Variants in CTNNA3 observed in about 807,000 individuals in gnomAD.
CTNNA3 encodes the protein catenin alpha-3.
In CTNNA3, 76 loss-of-function variants were observed where a neutral mutation model predicts 95.7. The ratio of observed to expected loss-of-function variants is 0.79; its 90% CI spans 0.66 to 0.96. The LOEUF is 0.96. CTNNA3 is among the 40% of genes least tolerant of loss of function. The pLI, the probability that CTNNA3 is intolerant of heterozygous loss-of-function variation, is 0.00. For missense variants in CTNNA3, 1,191 were observed against 1,089.8 expected (o/e 1.09, Z -1.31); for synonymous variants, 431 against 374.4 (o/e 1.15, Z -1.74).
chr10:65,939,010 C>T (rs1050086198), intron 17 of CTNNA3, among the ~76,000 whole-genome samples: 12 of 151,940 alleles, frequency 7.9e-5, no homozygotes, highest in African/African-American at 2.4e-4. Flanking sequence ...TCACGCCATT[C>T]TCCTGCCTCA....
intron 2 of CTNNA3, among the ~76,000 whole-genome samples, chr10:67,609,194 G>A (rs1221974471): frequency 3.3e-5 from 5 of 150,666 alleles, no homozygotes; most frequent in Admixed American, 6.6e-5. Context: ...AATCACCATC[G>A]TAGAGGAATG....
At chr10:66,065,317 A>C (rs2133586671) in intron 15 of CTNNA3, among the ~76,000 whole-genome samples, 1 of 151,264 alleles carries the variant, frequency 6.6e-6, no homozygotes. Context: ...CCCCTTTTAC[A>C]ATTTCATTCT....
chr10:67,017,983 G>A (rs550735159), intron 7 of CTNNA3, among the ~76,000 whole-genome samples: 1 of 152,198 alleles, frequency 6.6e-6, no homozygotes, highest in East Asian at 1.9e-4. Context: ...TGTTGGCAAG[G>A]CTGGTCTCAA....
At chr10:67,331,833 A>G (rs12098694) in intron 5 of CTNNA3, among the ~76,000 whole-genome samples, 3,977 of 152,252 alleles carry the variant, frequency 0.026, 182 homozygotes, top group African/African-American at 0.089. Flanking sequence ...GAGGAACCCT[A>G]AGGAAAATTT....
At chr10:66,479,977 CA>C (rs1565003106) in intron 11 of CTNNA3, among the ~76,000 whole-genome samples, 3 of 151,720 alleles carry the variant, frequency 2.0e-5, no homozygotes, top group African/African-American at 7.3e-5. Flanking sequence ...CACACACACA[CA>C]CCCCAGAACT....
At chr10:67,550,674 C>CATAGAATAAAGAAATTTCTTTATT (rs1840994021) in intron 3 of CTNNA3, among the ~76,000 whole-genome samples, 1 of 122,710 alleles carries the variant, frequency 8.1e-6, no homozygotes, top group African/African-American at 3.9e-5. Context: ...AATTTCTTTA[C>CATAGAATAAAGAAATTTCTTTATT]CGTAGAATAA....
At chr10:67,741,013 C>T (rs1001373571) in intron 1 of CTNNA3, among the ~76,000 whole-genome samples, 3 of 151,142 alleles carry the variant, frequency 2.0e-5, no homozygotes, top group Non-Finnish European at 3.0e-5. Flanking sequence ...TTTGTAGGGA[C>T]ATGGATGAAA....
intron 7 of CTNNA3, among the ~76,000 whole-genome samples, chr10:66,943,182 T>C (rs1848102931): frequency 6.6e-6 from 1 of 152,182 alleles, no homozygotes; most frequent in Admixed American, 6.5e-5. Flanking sequence ...TTAAAGACTT[T>C]GAAAAGAGCA....
At chr10:66,751,687 T>C (rs1839146629) in intron 9 of CTNNA3, among the ~76,000 whole-genome samples, 1 of 152,192 alleles carries the variant, frequency 6.6e-6, no homozygotes, top group Admixed American at 6.5e-5. Flanking sequence ...CCTTCCAAGG[T>C]TCTAACAAGT....
At chr10:66,818,402 A>G (rs1252366853) in intron 7 of CTNNA3, among the ~76,000 whole-genome samples, 1 of 152,228 alleles carries the variant, frequency 6.6e-6, no homozygotes, top group Non-Finnish European at 1.5e-5. Flanking sequence ...CAAACTATTT[A>G]TGATAATAAA....
intron 2 of CTNNA3, among the ~76,000 whole-genome samples, chr10:67,625,228 C>T (rs959783769): frequency 7.9e-5 from 12 of 152,218 alleles, no homozygotes; most frequent in African/African-American, 2.2e-4. Flanking sequence ...TGTCCTAACT[C>T]TTGTTGCCTG....
At chr10:67,006,801 T>G (rs1272235213) in intron 7 of CTNNA3, among the ~76,000 whole-genome samples, 1 of 151,896 alleles carries the variant, frequency 6.6e-6, no homozygotes. Context: ...TCTTAAATTT[T>G]TTTTTCTTTT....
At chr10:66,831,612 G>A (rs547398208) in intron 7 of CTNNA3, among the ~76,000 whole-genome samples, 8 of 152,122 alleles carry the variant, frequency 5.3e-5, no homozygotes, top group South Asian at 2.1e-4. Context: ...TGAAAGCAGC[G>A]GATATTTTAC....
intron 12 of CTNNA3, among the ~76,000 whole-genome samples, chr10:66,285,180 A>G (rs1053956650): frequency 1.3e-5 from 2 of 150,998 alleles, no homozygotes; most frequent in Admixed American, 6.6e-5. Context: ...ACTCTACTCT[A>G]TCTTTCAAGA....
In CTNNA3 at chr10:66,901,173, G is replaced by A. The variant is rs138128630; in HGVS notation, c.1048-125649C>T. On this transcript the variant is annotated intron_variant, in intron 7 of 17. Transcript: ENST00000433211. ...AAAGGAAGCCCATCAAACTAACAGC[G>A]GATCTCTCAGCAGAAACTCTACAAG... Among the ~76,000 whole-genome samples the A allele has an allele frequency of 9.1e-3, 1,391 of 152,284 alleles. 109 individuals carry two copies. The East Asian group carries it at 0.19, about 21-fold the overall frequency.
chr10:67,609,384 T>C (rs1245572955), intron 2 of CTNNA3, among the ~76,000 whole-genome samples: 5 of 152,174 alleles, frequency 3.3e-5, no homozygotes, highest in African/African-American at 9.7e-5. Context: ...TTTTCGTTGT[T>C]GTTTGTTTAT....
At chr10:67,036,131 A>G (rs535511873) in intron 7 of CTNNA3, among the ~76,000 whole-genome samples, 196 of 152,238 alleles carry the variant, frequency 1.3e-3, no homozygotes, top group African/African-American at 4.5e-3. Flanking sequence ...ATTGTTTTAC[A>G]TAATTTGGGG....
At chr10:66,872,689 T>TAATA (rs34362186) in intron 7 of CTNNA3, among the ~76,000 whole-genome samples, 21,845 of 151,534 alleles carry the variant, frequency 0.14, 2,003 homozygotes, top group African/African-American at 0.26. Context: ...ATAATAATAA[T>TAATA]AATAATTTCA....
At chr10:66,274,230 A>G (rs2091344009) in intron 13 of CTNNA3, among the ~76,000 whole-genome samples, 1 of 113,826 alleles carries the variant, frequency 8.8e-6, no homozygotes, top group African/African-American at 4.7e-5. Context: ...TCACGTTTCA[A>G]TATGATTTAT....
Sources: allele counts gnomAD v4.1 joint callset (sites outside exome capture counted in the v4.1 genomes callset), GRCh38; gene constraint gnomAD v4.1.1; transcripts MANE v1.5; gene names NCBI Gene and HGNC (gene_info 2026-07-23, HGNC 2026-07-21).